Variants in CELSR1 observed in about 807,000 individuals in gnomAD.
The protein encoded by CELSR1 is adhesion G protein-coupled receptor C1.
In CELSR1, 110 loss-of-function variants were observed where a neutral mutation model predicts 249.1. The observed-to-expected ratio is 0.44, with a 90% CI of 0.38 to 0.52. CELSR1 has a LOEUF of 0.52. CELSR1 is among the 20% of genes least tolerant of loss of function. The pLI, the probability that CELSR1 is intolerant of heterozygous loss-of-function variation, is 0.00. For missense variants in CELSR1, 4,109 were observed against 4,296.4 expected, an observed-to-expected ratio of 0.96 and a Z score of 1.22; for synonymous variants, 2,113 against 1,900.0, an observed-to-expected ratio of 1.11 and a Z score of -2.92.
rs995351092 is a variant in CELSR1, at chr22:46,368,381, G to A, written c.7953-526C>T. 2.6e-4 allele frequency among the ~76,000 whole-genome samples: 39 copies of A among 152,016 alleles called. 1 individual carries two copies. Among genetic ancestry groups the A allele is most frequent in the African/African-American group, 8.7e-4 (36 of 41,388 alleles). On this transcript the variant is annotated intron_variant, in intron 27 of 34. Coordinates refer to ENST00000674500, the MANE Select transcript of CELSR1 (RefSeq NM_001378328.1). Reference sequence around the variant, plus strand: ...ACAGGTCGTGGATGGCACTGAAGACGAGGAACTGACAAGGCCCCAGACCCC... The same window carrying A: ...ACAGGTCGTGGATGGCACTGAAGACAAGGAACTGACAAGGCCCCAGACCCC...
rs545592122 is a variant in CELSR1, at chr22:46,413,937, C to T, written c.4612-2178G>A. ...GGGCGTGAGACTACTGGAGGAAGGG[C>T]GTAAGTAGCATTTACACTGGGAAGG... is the stretch of plus-strand genomic sequence containing the variant. On this transcript the variant is annotated intron_variant, in intron 5 of 34. Coordinates refer to ENST00000674500, the MANE Select transcript of CELSR1 (RefSeq NM_001378328.1). This position sits in a 1 kb window ranked among gnomAD's most constrained non-coding sequence, Gnocchi z 4.7. Among the ~76,000 whole-genome samples the T allele has an allele frequency of 7.2e-5, 11 of 152,192 alleles. No homozygotes were observed. In the South Asian group the frequency reaches 1.2e-3, roughly 17 times the overall value.
chr22:46,386,356 C>A (rs2079033320), intron 19 of CELSR1, 46 bp downstream of exon 19: 2 of 1,478,234 alleles, frequency 1.4e-6, no homozygotes, highest in East Asian at 5.0e-5. Context: ...TGGGGCACAC[C>A]CCTGATGGTA....
At chr22:46,452,726 G>A (rs2079900456) in intron 2 of CELSR1, among the ~76,000 whole-genome samples, 1 of 152,356 alleles carries the variant, frequency 6.6e-6, no homozygotes, top group Non-Finnish European at 1.5e-5. Context: ...CCAAGATGAG[G>A]ATGAGCCTGG....
rs1475887330 is a variant in CELSR1, at chr22:46,447,514, A to G, written c.4184-8103T>C. ...CATGGCAGCCTCGCCTCCCACACCA[A>G]GGATAGAGTCCACCTGGGCAAACCT... On this transcript the variant is annotated intron_variant, in intron 2 of 34. Transcript: ENST00000674500. This position sits in a 1 kb window ranked among gnomAD's most constrained non-coding sequence, Gnocchi z 4.7. Among the ~76,000 whole-genome samples the G allele has an allele frequency of 2.0e-5, 3 of 152,078 alleles. No homozygotes were observed. Among genetic ancestry groups the G allele is most frequent in the Non-Finnish European group, 4.4e-5 (3 of 68,008 alleles).
At position 46,369,268 on chromosome 22, in the gene CELSR1, AAAC is replaced by A; in HGVS notation, c.7873-13_7873-11del. 1 of 1,613,840 alleles carries A rather than the reference AAAC, an allele frequency of 6.2e-7. No homozygotes were observed. Among genetic ancestry groups the A allele is most frequent in the Non-Finnish European group, 8.5e-7 (1 of 1,179,816 alleles). On this transcript the variant is annotated splice_polypyrimidine_tract_variant and intron_variant, in intron 26 of 34. Coordinates refer to ENST00000674500, the MANE Select transcript of CELSR1 (RefSeq NM_001378328.1). The stretch of plus-strand genomic sequence containing the variant: ...AAGTGACTGTGTTGATCTGAAAACA[AAAC>A]AAGCCGATCAATGTCTTCTCTCTCG...
chr22:46,409,124 C>T lies in CELSR1; in HGVS notation c.5098G>A (p.Val1700Met), dbSNP rs768104018. The T allele has an allele frequency of 2.5e-5, 40 of 1,613,302 alleles. No homozygotes were observed. Among genetic ancestry groups the T allele is most frequent in the African/African-American group, 1.3e-4 (10 of 74,908 alleles). ...ATGATGTTCAGGTCACTCCAGGACA[C>T]GACGCTCTCACCGCTGAAGAGCTGG... is the stretch of plus-strand genomic sequence containing the variant. ...HPQLFSGESV[V>M]SWSDLNIIIS... The change falls in exon 9 of 35, where the codon GTG (valine) becomes ATG (methionine). Residue 1700 changes from valine (V) to methionine (M), a missense_variant. Around this residue, in one of 7 missense-constraint regions of CELSR1, gnomAD observed 453 missense variants for 492.0 expected, o/e 0.92. Transcript: ENST00000674500. The surrounding 1 kb of genome is among the most constrained non-coding windows in gnomAD (Gnocchi z 9.8).
At position 46,362,939 on chromosome 22, in the gene CELSR1, C is replaced by A; in HGVS notation, c.*284G>T. On this transcript the variant is annotated 3_prime_UTR_variant, in exon 35 of 35. Coordinates refer to ENST00000674500, the MANE Select transcript of CELSR1 (RefSeq NM_001378328.1). The stretch of plus-strand genomic sequence containing the variant: ...CTTTGACTGCAGTCTTAGGACTCAG[C>A]GGTGCTGGCCCAGTGGTCCACGCCT... 3.5e-6 allele frequency: 2 copies of A among 574,430 alleles called. No individual in the cohort carries two copies. Among genetic ancestry groups the A allele is most frequent in the Non-Finnish European group, 6.2e-6 (2 of 324,168 alleles). The allele number at this position is 574,430 out of a possible 1,614,324, so 35.6% of individuals were successfully genotyped here.
In CELSR1 at chr22:46,380,483, C is replaced by T. The variant is rs575588958; in HGVS notation, c.7256+305G>A. On this transcript the variant is annotated intron_variant, in intron 22 of 34. Coordinates refer to ENST00000674500, the MANE Select transcript of CELSR1 (RefSeq NM_001378328.1). The surrounding 1 kb of genome is among the most constrained non-coding windows in gnomAD (Gnocchi z 5.1). The stretch of plus-strand genomic sequence containing the variant: ...TACACTAGTGTTGGCCGCTGCATGT[C>T]GGGAGTCCCGCAGGTGAGGGGTCCC... Among the ~76,000 whole-genome samples the T allele has an allele frequency of 6.6e-5, 10 of 152,350 alleles. No homozygotes were observed. In the East Asian group the frequency reaches 1.7e-3, roughly 26 times the overall value.
intron 1 of CELSR1, among the ~76,000 whole-genome samples, chr22:46,498,520 G>A (rs951118018): frequency 6.6e-6 from 1 of 151,794 alleles, no homozygotes; most frequent in African/African-American, 2.4e-5. Context: ...GGCTGAGGCA[G>A]GAGAGTCACT....
In CELSR1 at chr22:46,398,570, G is replaced by T. The variant is rs777257139; in HGVS notation, c.5480C>A (p.Ser1827Tyr). 6.2e-7 allele frequency: 1 copy of T among 1,613,836 alleles called. No homozygotes were observed. The highest frequency in any genetic ancestry group is 1.1e-5 in the South Asian group (1 of 91,072). The change falls in exon 11 of 35, where the codon TCT becomes TAT. Residue 1827 changes from serine to tyrosine, a missense_variant. This residue lies in a region of CELSR1 where 1,805 missense variants were observed against 1,831.6 expected (regional missense o/e 0.99). Coordinates refer to ENST00000674500, the MANE Select transcript of CELSR1 (RefSeq NM_001378328.1). The surrounding 1 kb of genome is among the most constrained non-coding windows in gnomAD (Gnocchi z 7.2). Reference sequence around the variant, plus strand: ...ACGGCGCACGGAGACCTTGTCTTCAGAGGCGCCTCCGACCACCACGCTCCT... The same window carrying T: ...ACGGCGCACGGAGACCTTGTCTTCATAGGCGCCTCCGACCACCACGCTCCT... ...TVRSVVVGGA[S>Y]EDKVSVRRGF...
At chr22:46,503,428 T>C (rs1169752306) in intron 1 of CELSR1, among the ~76,000 whole-genome samples, 6 of 152,190 alleles carry the variant, frequency 3.9e-5, no homozygotes. Flanking sequence ...ATCCCCATGG[T>C]GGTGAGGACA....
intron 1 of CELSR1, among the ~76,000 whole-genome samples, chr22:46,531,093 G>C (rs938374301): frequency 6.6e-6 from 1 of 152,196 alleles, no homozygotes; most frequent in African/African-American, 2.4e-5. Context: ...CCGGTGCTTT[G>C]CTGTCTGGAA....
chr22:46,439,150 A>C (rs2079706297), intron 3 of CELSR1, 39 bp downstream of exon 3: 6 of 1,573,360 alleles, frequency 3.8e-6, no homozygotes, highest in African/African-American at 1.3e-5. Context: ...CCCCTTTCCT[A>C]AAGAGACCCC....
intron 5 of CELSR1, among the ~76,000 whole-genome samples, chr22:46,421,780 G>C (rs80238775): frequency 0.089 from 13,524 of 152,322 alleles, 1,887 homozygotes; most frequent in African/African-American, 0.3. Context: ...ATGGGAGCAC[G>C]TGCAGACTGC....
At position 46,457,700 on chromosome 22, in the gene CELSR1, C is replaced by T. The variant is rs149393186; in HGVS notation, c.4183+6007G>A. On this transcript the variant is annotated intron_variant, in intron 2 of 34. Coordinates refer to ENST00000674500, the MANE Select transcript of CELSR1 (RefSeq NM_001378328.1). ...GAGGCCTGGAGCCCACACTCCCGCT[C>T]ACAGCTGTGATGAGCACGAGGGCGG... is the stretch of plus-strand genomic sequence containing the variant. Among the ~76,000 whole-genome samples, 99 of 152,364 alleles carry T rather than the reference C, an allele frequency of 6.5e-4. 3 individuals carry two copies. In the East Asian group the frequency reaches 0.015, roughly 23 times the overall value.
Position 46,526,417 on chromosome 22 carries a change from A to G in CELSR1, c.3544+7210T>C, listed in dbSNP as rs972125895. On this transcript the variant is annotated intron_variant, in intron 1 of 34. Coordinates refer to ENST00000674500, the MANE Select transcript of CELSR1 (RefSeq NM_001378328.1). This position sits in a 1 kb window ranked among gnomAD's most constrained non-coding sequence, Gnocchi z 4.7. ...CTCAGCCTTGTGCAGGCCTGTCCCC[A>G]TGACACCCTGCCTTCCCTCTGAGGC... Among the ~76,000 whole-genome samples the G allele has an allele frequency of 6.6e-6, 1 of 152,096 alleles. No homozygotes were observed. Among genetic ancestry groups the G allele is most frequent in the African/African-American group, 2.4e-5 (1 of 41,426 alleles).
At chr22:46,515,050 C>A (rs1351417570) in intron 1 of CELSR1, among the ~76,000 whole-genome samples, 1 of 152,210 alleles carries the variant, frequency 6.6e-6, no homozygotes, top group Non-Finnish European at 1.5e-5. Context: ...ACCCCCAGCA[C>A]CCCCTCAGCT....
In CELSR1 at chr22:46,375,648, A is replaced by G. The variant is rs371662798; in HGVS notation, c.7584+1413T>C. ...AACCTCTGCCTCCCGGGTTCAAGCGATTCTCATGTTTCAGCCTCCCAAGTA... is the reference window on the plus strand; with the variant it reads ...AACCTCTGCCTCCCGGGTTCAAGCGGTTCTCATGTTTCAGCCTCCCAAGTA... On this transcript the variant is annotated intron_variant, in intron 24 of 34. Coordinates refer to ENST00000674500, the MANE Select transcript of CELSR1 (RefSeq NM_001378328.1). Among the ~76,000 whole-genome samples the G allele has an allele frequency of 4.0e-5, 6 of 148,806 alleles. No homozygotes were observed. The East Asian group carries it at 9.9e-4, about 25-fold the overall frequency.
intron 1 of CELSR1, among the ~76,000 whole-genome samples, chr22:46,528,886 G>A (rs1212111193): frequency 5.3e-5 from 8 of 150,970 alleles, no homozygotes; most frequent in East Asian, 2.0e-4. Context: ...CTGAGATCGC[G>A]CCACTGCACT....
Sources: allele counts gnomAD v4.1 joint callset (sites outside exome capture counted in the v4.1 genomes callset), GRCh38; gene constraint gnomAD v4.1.1; regional missense constraint gnomAD v4.1.1; non-coding constraint Gnocchi (gnomAD v3.1); transcripts MANE v1.5; gene names NCBI Gene and HGNC (gene_info 2026-07-23, HGNC 2026-07-21).